CBX5: variants seen among roughly 807,000 people sequenced by gnomAD.
CBX5 encodes the protein chromobox 5, also known as chromobox protein homolog 5.
In CBX5, 7 loss-of-function variants were observed where a neutral mutation model predicts 20.7. That is an observed-to-expected ratio of 0.34 (90% confidence interval 0.19 to 0.63). The LOEUF (loss-of-function observed/expected upper bound fraction) is 0.63, where lower values mean the gene tolerates loss of function less well. Ranked by LOEUF, CBX5 falls within the 30% of genes least tolerant of loss-of-function variation. CBX5 has a pLI of 0.75. For missense variants in CBX5, 110 were observed against 224.1 expected (o/e 0.49, Z 3.25); for synonymous variants, 78 against 77.0 (o/e 1.01, Z -0.07).
intron 1 of CBX5, chr12:54,279,054 A>G (rs1377323602): frequency 6.6e-6 from 1 of 152,220 alleles, no homozygotes; most frequent in East Asian, 1.9e-4. Flanking sequence ...GCAAAGTTTT[A>G]AACATTAAAG....
intron 3 of CBX5, among the ~76,000 whole-genome samples, chr12:54,250,598 G>A (rs1251640114): frequency 6.7e-6 from 1 of 149,898 alleles, no homozygotes; most frequent in Non-Finnish European, 1.5e-5. Flanking sequence ...GAGGTCAGGA[G>A]ATCGAGACCA....
At chr12:54,274,835 G>A (rs749319626) in intron 1 of CBX5, among the ~76,000 whole-genome samples, 1 of 152,152 alleles carries the variant, frequency 6.6e-6, no homozygotes, top group Non-Finnish European at 1.5e-5. Context: ...AGCTACTCGG[G>A]AGGCTGAGGC....
At chr12:54,242,379 G>C (rs1009462896) in intron 4 of CBX5, among the ~76,000 whole-genome samples, 11 of 152,094 alleles carry the variant, frequency 7.2e-5, no homozygotes, top group African/African-American at 2.4e-4. Flanking sequence ...CAAAAAATTA[G>C]CCGGGCGTGG....
chr12:54,241,843 A>G lies in CBX5; in HGVS notation c.488T>C (p.Ile163Thr). Residue 163 changes from isoleucine to threonine, a missense_variant, in exon 5 of 5, where the codon ATT becomes ACT. Physicochemically the swap from Ile to Thr is moderately conservative, Grantham distance 89 (BLOSUM62 -1). Transcript: ENST00000209875. ...AKEANVKCPQ[I>T]VIAFYEERLT... Reference sequence around the variant, plus strand: ...TCTCTCTTCATAAAATGCTATCACAATTTGTGGACATTTCACATTAGCTTC... The same window carrying G: ...TCTCTCTTCATAAAATGCTATCACAGTTTGTGGACATTTCACATTAGCTTC... 6.2e-7 allele frequency: 1 copy of G among 1,613,902 alleles called. No homozygotes were observed. The highest frequency in any genetic ancestry group is 8.5e-7 in the Non-Finnish European group (1 of 1,179,938).
intron 3 of CBX5, 59 bp downstream of exon 3, chr12:54,251,979 TTTA>T (rs1943809558): frequency 4.2e-5 from 57 of 1,356,786 alleles, no homozygotes; most frequent in Admixed American, 5.0e-5. Flanking sequence ...GATACTTTTA[TTTA>T]TTATTATTAT....
intron 1 of CBX5, chr12:54,276,642 TA>T (rs1944071028): frequency 6.6e-6 from 1 of 152,220 alleles, no homozygotes; most frequent in Non-Finnish European, 1.5e-5. Context: ...TTTGGTGACC[TA>T]TTCTTCAGAT....
chr12:54,259,642 C>G (rs1193315038), intron 1 of CBX5: 2 of 152,700 alleles, frequency 1.3e-5, no homozygotes, highest in African/African-American at 2.4e-5. Context: ...CTGTCCCAGT[C>G]CGTTGCCATA....
intron 1 of CBX5, among the ~76,000 whole-genome samples, chr12:54,275,088 C>T (rs985270151): frequency 7.2e-5 from 11 of 152,234 alleles, no homozygotes; most frequent in Non-Finnish European, 1.5e-4. Context: ...CAAATCCAGC[C>T]GCTTCAAATG....
intron 3 of CBX5, among the ~76,000 whole-genome samples, chr12:54,247,292 G>A (rs1592155451): frequency 6.6e-6 from 1 of 152,116 alleles, no homozygotes; most frequent in African/African-American, 2.4e-5. Flanking sequence ...ACTCATGCCT[G>A]TAATCCCAGC....
At chr12:54,243,658 C>G (rs888456460) in intron 4 of CBX5, among the ~76,000 whole-genome samples, 1 of 152,102 alleles carries the variant, frequency 6.6e-6, no homozygotes, top group Non-Finnish European at 1.5e-5. Flanking sequence ...TGCTTGAGAT[C>G]AGGAGTTCGA....
intron 1 of CBX5, chr12:54,274,081 T>C (rs905275716): frequency 2.6e-5 from 4 of 152,230 alleles, no homozygotes; most frequent in African/African-American, 9.6e-5. Context: ...AATATTTACA[T>C]AGCTGCTAAC....
intron 4 of CBX5, among the ~76,000 whole-genome samples, chr12:54,243,867 T>C (rs1163178929): frequency 6.6e-6 from 1 of 152,050 alleles, no homozygotes; most frequent in Non-Finnish European, 1.5e-5. Context: ...AGACGCTGTC[T>C]CAAAAAAACA....
intron 1 of CBX5, chr12:54,276,671 C>A (rs1299520636): frequency 2.6e-5 from 4 of 152,152 alleles, no homozygotes; most frequent in African/African-American, 9.7e-5. Context: ...CTTTTTCCCC[C>A]AAAACCCTGG....
rs2137002750 is a variant in CBX5, at chr12:54,233,075, A to G, written c.*8680T>C. 1 of 152,300 alleles carries G rather than the reference A, an allele frequency of 6.6e-6. No homozygotes were observed. The highest frequency in any genetic ancestry group is 1.9e-4 in the East Asian group (1 of 5,186). 9.4% of individuals were successfully genotyped at this position (152,300 alleles called of 1,614,324 possible). A position where few individuals can be genotyped will look rare whatever the true frequency, so the allele number is the denominator to read the frequency against. ...TCACATCCCTCCCCACAATACCCAG[A>G]GGGCTGCATTTTTCCAACCTTTCTG... On this transcript the variant is annotated 3_prime_UTR_variant, in exon 5 of 5. Coordinates refer to ENST00000209875, the MANE Select transcript of CBX5 (RefSeq NM_012117.3).
chr12:54,267,955 C>A (rs912111560), intron 1 of CBX5, among the ~76,000 whole-genome samples: 1 of 152,154 alleles, frequency 6.6e-6, no homozygotes, highest in Non-Finnish European at 1.5e-5. Context: ...ACCAGCCTGG[C>A]CAACATGGCG....
chr12:54,259,500 T>G (rs1943895014), intron 1 of CBX5: 1 of 152,634 alleles, frequency 6.6e-6, no homozygotes, highest in South Asian at 2.1e-4. Context: ...GGTTCCCTCC[T>G]TTACCTACCG....
intron 4 of CBX5, 108 bp from the exon 5 acceptor site, chr12:54,242,013 C>A (rs2137009225): frequency 1.8e-6 from 2 of 1,113,254 alleles, no homozygotes; most frequent in Middle Eastern, 2.2e-4. Context: ...TTCCTCCTCA[C>A]CTTGGTTTCA....
chr12:54,257,723 T>C, intron 1 of CBX5, 31 bp from the exon 2 acceptor site: 2 of 1,564,984 alleles, frequency 1.3e-6, no homozygotes, highest in South Asian at 2.3e-5. Context: ...ATGGTTAGAA[T>C]CCATGTGAGG....
chr12:54,252,359 A>G (rs1301446191), intron 2 of CBX5, 132 bp from the exon 3 acceptor site: 1 of 515,158 alleles, frequency 1.9e-6, no homozygotes, highest in Non-Finnish European at 3.2e-6. Context: ...AAAGAAGATA[A>G]CAAATTTGAT....
Sources: gnomAD v4.1 joint callset for allele counts (sites outside exome capture counted in the v4.1 genomes callset) on GRCh38, gnomAD v4.1.1 for gene constraint, MANE v1.5 for transcripts, NCBI Gene and HGNC (gene_info 2026-07-23, HGNC 2026-07-21) for gene names.